The following LOC128092253 variants were observed in gnomAD, a reference collection of about 807,000 sequenced individuals.
At chr6:133,966,068 CAGAGAG>C in the LOC128092253 span, among the ~76,000 whole-genome samples, 1 of 152,034 alleles carries the variant, frequency 6.6e-6, no homozygotes, top group African/African-American at 2.4e-5. Context: ...ACTTCAGAGA[CAGAGAG>C]AGACAGAAAG....
the LOC128092253 span, among the ~76,000 whole-genome samples, chr6:133,959,238 C>T: frequency 1.3e-5 from 2 of 152,076 alleles, no homozygotes; most frequent in Non-Finnish European, 2.9e-5. Context: ...CAGGGTTTCC[C>T]CATGTTGGCC....
the LOC128092253 span, among the ~76,000 whole-genome samples, chr6:133,965,327 C>CAAAT: frequency 6.6e-6 from 1 of 152,122 alleles, no homozygotes; most frequent in Non-Finnish European, 1.5e-5. Flanking sequence ...CTCAAGAAAA[C>CAAAT]AAATACCTTA....
At chr6:133,961,538 G>A in the LOC128092253 span, among the ~76,000 whole-genome samples, 5 of 146,396 alleles carry the variant, frequency 3.4e-5, no homozygotes, top group African/African-American at 1.3e-4. Context: ...GTGCAATCTC[G>A]GCTCATTGCA....
At chr6:133,970,170 A>G in the LOC128092253 span, among the ~76,000 whole-genome samples, 3 of 151,982 alleles carry the variant, frequency 2.0e-5, no homozygotes, top group Admixed American at 6.5e-5. Flanking sequence ...GACTCTGTCA[A>G]TTTTCTTTTT....
chr6:133,955,193 C>T, the LOC128092253 span, among the ~76,000 whole-genome samples: 1 of 150,034 alleles, frequency 6.7e-6, no homozygotes. Context: ...CGAAGTGTCC[C>T]TCAACCTCAG....
chr6:133,956,116 T>C, the LOC128092253 span, among the ~76,000 whole-genome samples: 2 of 152,238 alleles, frequency 1.3e-5, no homozygotes, highest in Non-Finnish European at 2.9e-5. Context: ...ACCTAGGTGA[T>C]TGATTTCCTT....
At chr6:133,964,155 T>C in the LOC128092253 span, among the ~76,000 whole-genome samples, 122 of 152,288 alleles carry the variant, frequency 8.0e-4, no homozygotes, top group South Asian at 0.022. Context: ...CCTACTGTTG[T>C]GGTAGTGTTC....
the LOC128092253 span, among the ~76,000 whole-genome samples, chr6:133,971,455 G>T: frequency 1.3e-5 from 2 of 152,170 alleles, no homozygotes; most frequent in Admixed American, 6.5e-5. Context: ...GGATCATGTG[G>T]TAGTTCTATT....
the LOC128092253 span, among the ~76,000 whole-genome samples, chr6:133,959,803 C>T: frequency 6.6e-6 from 1 of 152,194 alleles, no homozygotes; most frequent in Non-Finnish European, 1.5e-5. Context: ...CTTTCTATCA[C>T]ACTCTTTTTC....
At chr6:133,965,570 T>C in the LOC128092253 span, among the ~76,000 whole-genome samples, 1 of 152,002 alleles carries the variant, frequency 6.6e-6, no homozygotes, top group African/African-American at 2.4e-5. Flanking sequence ...AACAACTATT[T>C]GCTTTGATTT....
the LOC128092253 span, among the ~76,000 whole-genome samples, chr6:133,957,609 G>A: frequency 6.6e-6 from 1 of 152,294 alleles, no homozygotes; most frequent in Non-Finnish European, 1.5e-5. Flanking sequence ...AATCAGTTAC[G>A]TTTTCTTGAG....
the LOC128092253 span, among the ~76,000 whole-genome samples, chr6:133,973,257 T>C: frequency 6.6e-6 from 1 of 152,212 alleles, no homozygotes; most frequent in African/African-American, 2.4e-5. Flanking sequence ...CTATTGTGTT[T>C]GCAAATCGGT....
At chr6:133,975,626 C>T in the LOC128092253 span, among the ~76,000 whole-genome samples, 1 of 152,088 alleles carries the variant, frequency 6.6e-6, no homozygotes, top group Non-Finnish European at 1.5e-5. Context: ...GCTAATTCTA[C>T]CCAATAACTA....
the LOC128092253 span, among the ~76,000 whole-genome samples, chr6:133,974,179 C>A: frequency 2.0e-5 from 3 of 152,170 alleles, no homozygotes; most frequent in Admixed American, 2.0e-4. Context: ...CTGTCTACAT[C>A]TCTACATCTG....
the LOC128092253 span, among the ~76,000 whole-genome samples, chr6:133,958,784 T>G: frequency 1.3e-5 from 2 of 152,284 alleles, no homozygotes; most frequent in East Asian, 3.9e-4. Context: ...TAAAATATAT[T>G]ATTAAAAGCA....
the LOC128092253 span, among the ~76,000 whole-genome samples, chr6:133,977,831 G>A: frequency 0.049 from 7,515 of 152,224 alleles, 613 homozygotes; most frequent in African/African-American, 0.17. Context: ...TCATTGTCTC[G>A]TGGTGCAAAA....
chr6:133,960,897 A>G, the LOC128092253 span, among the ~76,000 whole-genome samples: 1 of 152,352 alleles, frequency 6.6e-6, no homozygotes, highest in South Asian at 2.1e-4. Context: ...AAAAATGCTG[A>G]AGGTCAGTAG....
the LOC128092253 span, among the ~76,000 whole-genome samples, chr6:133,958,382 T>C: frequency 9.8e-5 from 15 of 152,354 alleles, no homozygotes; most frequent in African/African-American, 3.6e-4. Context: ...ACTATGAATG[T>C]TCTAATAGTA....
At chr6:133,966,051 CTCT>C in the LOC128092253 span, among the ~76,000 whole-genome samples, 1 of 152,136 alleles carries the variant, frequency 6.6e-6, no homozygotes, top group Non-Finnish European at 1.5e-5. Flanking sequence ...TTCTGCTGAG[CTCT>C]TCAACTTCAG....
Sources: gnomAD v4.1 joint callset for allele counts (sites outside exome capture counted in the v4.1 genomes callset) on GRCh38, gnomAD v4.1.1 for gene constraint, MANE v1.5 for transcripts.